The following ADAM22 variants were observed in gnomAD, a reference collection of about 807,000 sequenced individuals.
ADAM22 encodes the protein ADAM metallopeptidase domain 22.
Under a neutral mutation model 144.6 loss-of-function variants are expected in ADAM22, and 65 were observed. That is an observed-to-expected ratio of 0.45 (90% CI 0.37 to 0.55). The LOEUF is 0.55. Among genes scored for constraint, ADAM22 ranks in the 20% least tolerant of loss-of-function variants. The probability of loss-of-function intolerance (pLI) is 0.00; values close to 1 mark genes in which losing one functional copy is unlikely to be tolerated. For missense variants in ADAM22, 974 were observed against 1,184.9 expected, an observed-to-expected ratio of 0.82 and a Z score of 2.61; for synonymous variants, 391 against 412.6, an observed-to-expected ratio of 0.95 and a Z score of 0.63.
At chr7:88,195,787 G>C (rs1850566463) in intron 31 of ADAM22, among the ~76,000 whole-genome samples, 2 of 152,196 alleles carry the variant, frequency 1.3e-5, no homozygotes, top group African/African-American at 4.8e-5. Flanking sequence ...AAAGTGCTGG[G>C]ATTACAGGCG....
chr7:88,148,879 T>A, intron 17 of ADAM22, 98 bp from the exon 18 acceptor site: 1 of 937,828 alleles, frequency 1.1e-6, no homozygotes. Flanking sequence ...GTTTAAGGTA[T>A]TTCTAGCCAA....
intron 3 of ADAM22, among the ~76,000 whole-genome samples, chr7:88,007,213 G>T (rs1327263016): frequency 6.6e-6 from 1 of 152,060 alleles, no homozygotes; most frequent in African/African-American, 2.4e-5. Flanking sequence ...ACCTCTTCAA[G>T]GAGAACTACA....
At chr7:88,191,592 A>G (rs1014047191) in intron 30 of ADAM22, among the ~76,000 whole-genome samples, 8 of 152,244 alleles carry the variant, frequency 5.3e-5, no homozygotes, top group African/African-American at 1.9e-4. Context: ...CTTAAAGATC[A>G]TAGTCCTATT....
In ADAM22 at chr7:88,132,393, A is replaced by G. The variant is rs906257859; in HGVS notation, c.993-474A>G. The G allele has an allele frequency of 2.0e-5, 3 of 152,516 alleles. No homozygotes were observed. The South Asian group carries it at 6.2e-4, about 32-fold the overall frequency. 9.4% of individuals were successfully genotyped at this position (152,516 alleles called of 1,614,324 possible). On this transcript the variant is annotated intron_variant, in intron 11 of 31. Coordinates refer to ENST00000413139, the MANE Select transcript of ADAM22 (RefSeq NM_001324418.2). Reference sequence around the variant, plus strand: ...AGCTAATTTTCCCCATCCAAATCCAATCCAGGATCACACATTGCATTTAAT... The same window carrying G: ...AGCTAATTTTCCCCATCCAAATCCAGTCCAGGATCACACATTGCATTTAAT...
At chr7:88,030,474 G>T (rs577375118) in intron 3 of ADAM22, among the ~76,000 whole-genome samples, 8 of 151,904 alleles carry the variant, frequency 5.3e-5, no homozygotes, top group Admixed American at 4.6e-4. Flanking sequence ...TAAGTCCCTC[G>T]TGCCTTATTT....
chr7:87,936,891 A>T (rs1177164466), intron 2 of ADAM22, among the ~76,000 whole-genome samples: 1 of 151,472 alleles, frequency 6.6e-6, no homozygotes, highest in African/African-American at 2.4e-5. Flanking sequence ...GAGTATATTT[A>T]GAGTATATAT....
At chr7:88,003,074 G>A (rs1487415839) in intron 3 of ADAM22, among the ~76,000 whole-genome samples, 2 of 152,202 alleles carry the variant, frequency 1.3e-5, no homozygotes, top group Non-Finnish European at 2.9e-5. Context: ...AGTTGAAGCA[G>A]GGAAAATTAT....
intron 5 of ADAM22, among the ~76,000 whole-genome samples, chr7:88,109,388 C>T (rs1181442432): frequency 1.3e-5 from 2 of 152,178 alleles, no homozygotes; most frequent in Admixed American, 6.5e-5. Context: ...TTTGTAACCC[C>T]TTATAAAGCT....
At chr7:88,073,679 G>T (rs948979247) in intron 3 of ADAM22, among the ~76,000 whole-genome samples, 9 of 152,188 alleles carry the variant, frequency 5.9e-5, no homozygotes, top group African/African-American at 1.9e-4. Context: ...GGCAAGTAGG[G>T]TAGAGGGGCC....
At chr7:88,012,298 A>T (rs1391855797) in intron 3 of ADAM22, among the ~76,000 whole-genome samples, 1 of 152,102 alleles carries the variant, frequency 6.6e-6, no homozygotes, top group African/African-American at 2.4e-5. Flanking sequence ...GTAATCATAA[A>T]TTCCCTGATA....
At chr7:88,039,611 ATG>A (rs3085480) in intron 3 of ADAM22, among the ~76,000 whole-genome samples, 4 of 146,456 alleles carry the variant, frequency 2.7e-5, no homozygotes, top group Non-Finnish European at 3.0e-5. Context: ...TCATGTTTGC[ATG>A]TGTGTGTGTG....
At chr7:88,098,251 G>A (rs1423645963) in intron 4 of ADAM22, among the ~76,000 whole-genome samples, 1 of 152,160 alleles carries the variant, frequency 6.6e-6, no homozygotes, top group Non-Finnish European at 1.5e-5. Context: ...TAGGAAACTA[G>A]AATGCTGGTT....
intron 4 of ADAM22, 82 bp from the exon 5 acceptor site, chr7:88,108,094 T>G: frequency 2.9e-6 from 3 of 1,029,014 alleles, no homozygotes; most frequent in Non-Finnish European, 4.4e-6. Flanking sequence ...GGAGGTGCAT[T>G]GTGAGTAGAA....
In ADAM22 at chr7:87,972,167, T is replaced by G. The variant is rs113928871; in HGVS notation, c.247-6169T>G. Among the ~76,000 whole-genome samples the G allele has an allele frequency of 7.1e-3, 1,085 of 152,254 alleles. 7 individuals are homozygous for G. Among genetic ancestry groups the G allele is most frequent in the African/African-American group, 0.025 (1,038 of 41,504 alleles). The stretch of plus-strand genomic sequence containing the variant: ...TGTCCCTGTTTGCAGACGACATGAT[T>G]GTATATCTAGAAAACCCCATTGTCT... On this transcript the variant is annotated intron_variant, in intron 2 of 31. Coordinates refer to ENST00000413139, the MANE Select transcript of ADAM22 (RefSeq NM_001324418.2).
intron 4 of ADAM22, among the ~76,000 whole-genome samples, chr7:88,090,232 T>C (rs1354053403): frequency 6.6e-6 from 1 of 152,316 alleles, no homozygotes; most frequent in African/African-American, 2.4e-5. Context: ...AAGCTTAAAC[T>C]CTGAGAGCAG....
At chr7:88,162,851 T>C (rs1447135771) in intron 22 of ADAM22, among the ~76,000 whole-genome samples, 161 bp from the exon 23 acceptor site, 1 of 152,150 alleles carries the variant, frequency 6.6e-6, no homozygotes, top group Non-Finnish European at 1.5e-5. Context: ...ATCAAAAGAT[T>C]CAATAGCTTT....
chr7:87,941,087 C>G (rs997610958), intron 2 of ADAM22, among the ~76,000 whole-genome samples: 6 of 151,260 alleles, frequency 4.0e-5, no homozygotes, highest in Admixed American at 2.6e-4. Context: ...TGTTTTTTAC[C>G]CAGTGATTAT....
intron 3 of ADAM22, among the ~76,000 whole-genome samples, chr7:88,019,339 G>A (rs908379640): frequency 6.6e-6 from 1 of 152,062 alleles, no homozygotes. Flanking sequence ...GTTGGTCATG[G>A]TGGTGGGTGC....
intron 3 of ADAM22, among the ~76,000 whole-genome samples, chr7:87,993,739 C>A (rs751587699): frequency 6.6e-6 from 1 of 152,148 alleles, no homozygotes; most frequent in South Asian, 2.1e-4. Flanking sequence ...CTTCTCAGTC[C>A]GTGTATGTGA....
Sources: allele counts gnomAD v4.1 joint callset (sites outside exome capture counted in the v4.1 genomes callset), GRCh38; gene constraint gnomAD v4.1.1; transcripts MANE v1.5; gene names NCBI Gene and HGNC (gene_info 2026-07-23, HGNC 2026-07-21).